Variants in TRIM2 observed in about 807,000 individuals in gnomAD.
The protein encoded by TRIM2 is tripartite motif-containing protein 2.
A neutral mutation model predicts 75.2 loss-of-function variants in TRIM2; 20 were observed. The ratio of observed to expected loss-of-function variants is 0.27; its 90% CI spans 0.19 to 0.39. The LOEUF (loss-of-function observed/expected upper bound fraction) is 0.39. Ranked by LOEUF, TRIM2 falls within the 10% of genes least tolerant of loss-of-function variation. The pLI is 1.00. For missense variants in TRIM2, 660 were observed against 990.8 expected, an observed-to-expected ratio of 0.67 and a Z score of 4.48; for synonymous variants, 373 against 388.3, an observed-to-expected ratio of 0.96 and a Z score of 0.46.
intron 1 of TRIM2, among the ~76,000 whole-genome samples, chr4:153,161,494 C>G (rs892670938): frequency 5.3e-5 from 8 of 152,170 alleles, no homozygotes; most frequent in African/African-American, 1.9e-4. Context: ...AAAGCAGGTG[C>G]AGGAGTTGGA....
intron 10 of TRIM2, among the ~76,000 whole-genome samples, chr4:153,326,689 A>AGAT (rs1561020990): frequency 6.6e-6 from 1 of 152,392 alleles, no homozygotes; most frequent in East Asian, 1.9e-4. Context: ...TGACTCAGAA[A>AGAT]GATAAACAAG....
At chr4:153,290,534 A>G (rs2150124231) in intron 3 of TRIM2, among the ~76,000 whole-genome samples, 1 of 152,324 alleles carries the variant, frequency 6.6e-6, no homozygotes, top group Non-Finnish European at 1.5e-5. Flanking sequence ...ACTTGTACCA[A>G]AATAAGGTGC....
At position 153,335,634 on chromosome 4, in the gene TRIM2, C is replaced by T; in HGVS notation, c.*668C>T. The T allele has an allele frequency of 7.1e-6, 7 of 985,416 alleles. No individual in the cohort carries two copies. The highest frequency in any genetic ancestry group is 8.4e-6 in the Non-Finnish European group (7 of 829,942). The allele number at this position is 985,416 out of a possible 1,614,324, so 61.0% of individuals were successfully genotyped here. On this transcript the variant is annotated 3_prime_UTR_variant, in exon 12 of 12. Transcript: ENST00000338700. ...TGTGTTCTTTTCACCACCCCTTTGGCTCACCTTGTATCAGCAAACAAAGTA... is the reference window on the plus strand; with the variant it reads ...TGTGTTCTTTTCACCACCCCTTTGGTTCACCTTGTATCAGCAAACAAAGTA...
In TRIM2 at chr4:153,335,271, T is replaced by TA. The variant is rs113002194; in HGVS notation, c.*311dup. 407,490 of 1,048,202 alleles carry TA rather than the reference T, an allele frequency of 0.39. 83,026 individuals carry two copies. The highest frequency in any genetic ancestry group is 0.7 in the African/African-American group (41,757 of 59,668). The allele number at this position is 1,048,202 out of a possible 1,614,324, so 64.9% of individuals were successfully genotyped here. A position where few individuals can be genotyped will look rare whatever the true frequency, so the allele number is the denominator to read the frequency against. ...TAATTTTGCAAATCAAACAGACACT[T>TA]AAAAAACTAGCATATGTAAAGGTAT... On this transcript the variant is annotated 3_prime_UTR_variant, in exon 12 of 12. Coordinates refer to ENST00000338700, the MANE Select transcript of TRIM2 (RefSeq NM_015271.5).
At chr4:153,255,691 A>T (rs149908077) in intron 1 of TRIM2, among the ~76,000 whole-genome samples, 2 of 152,366 alleles carry the variant, frequency 1.3e-5, no homozygotes, top group East Asian at 3.9e-4. Context: ...CAAAAAGTGG[A>T]AACAACCCAG....
chr4:153,231,280 A>G (rs1743538153), intron 1 of TRIM2, among the ~76,000 whole-genome samples: 1 of 152,238 alleles, frequency 6.6e-6, no homozygotes, highest in South Asian at 2.1e-4. Context: ...AGTCATGTGA[A>G]CAAGACAATC....
Position 153,338,699 on chromosome 4 carries a change from G to C in TRIM2, c.*3733G>C. 1 of 985,754 alleles carries C rather than the reference G, an allele frequency of 1.0e-6. No individual in the cohort carries two copies. The highest frequency in any genetic ancestry group is 4.7e-5 in the South Asian group (1 of 21,278). The allele number at this position is 985,754 out of a possible 1,614,324, so 61.1% of individuals were successfully genotyped here. A position where few individuals can be genotyped will look rare whatever the true frequency, so the allele number is the denominator to read the frequency against. Reference sequence around the variant, plus strand: ...AAACTTTCTAAAGATGAATTGTGTGGCAGTGATTGGTCTGTTTGTGGAGAA... The same window carrying C: ...AAACTTTCTAAAGATGAATTGTGTGCCAGTGATTGGTCTGTTTGTGGAGAA... On this transcript the variant is annotated 3_prime_UTR_variant, in exon 12 of 12. Coordinates refer to ENST00000338700, the MANE Select transcript of TRIM2 (RefSeq NM_015271.5).
chr4:153,215,151 A>G (rs1284838158), intron 1 of TRIM2, among the ~76,000 whole-genome samples: 1 of 152,204 alleles, frequency 6.6e-6, no homozygotes, highest in Non-Finnish European at 1.5e-5. Context: ...CCTAACTGAC[A>G]TCTTTTTCCT....
intron 1 of TRIM2, among the ~76,000 whole-genome samples, chr4:153,163,549 T>C (rs2149598659): frequency 7.3e-6 from 1 of 137,810 alleles, no homozygotes; most frequent in East Asian, 2.2e-4. Context: ...TCACCTAGGC[T>C]GGAGTGCAAT....
At chr4:153,293,280 T>G in intron 4 of TRIM2, 147 bp downstream of exon 4, 1 of 884,220 alleles carries the variant, frequency 1.1e-6, no homozygotes, top group Non-Finnish European at 1.6e-6. Flanking sequence ...CATGGATTTG[T>G]TGTCATAAAC....
chr4:153,238,601 G>A (rs1187922306), intron 1 of TRIM2, among the ~76,000 whole-genome samples: 1 of 152,142 alleles, frequency 6.6e-6, no homozygotes, highest in Non-Finnish European at 1.5e-5. Context: ...AGAGAGAACT[G>A]GAATAACCCA....
At chr4:153,221,878 A>AAGCAAGGAAGGGAG (rs1740293753) in intron 1 of TRIM2, among the ~76,000 whole-genome samples, 1 of 83,882 alleles carries the variant, frequency 1.2e-5, no homozygotes, top group Admixed American at 1.5e-4. Flanking sequence ...AAGGAAGGGA[A>AAGCAAGGAAGGGAG]GGAGGAAGGA....
At chr4:153,268,397 A>G (rs946191769) in intron 1 of TRIM2, among the ~76,000 whole-genome samples, 38 of 152,232 alleles carry the variant, frequency 2.5e-4, no homozygotes, top group African/African-American at 8.9e-4. Flanking sequence ...TATAAGCTCA[A>G]TTCCTTCCCA....
At chr4:153,210,489 C>T (rs534136229) in intron 1 of TRIM2, among the ~76,000 whole-genome samples, 2 of 152,258 alleles carry the variant, frequency 1.3e-5, no homozygotes, top group Admixed American at 1.3e-4. Context: ...GTTTCACAGG[C>T]AACTGGGCAA....
chr4:153,200,721 A>G (rs1734249879), upstream of TRIM2, among the ~76,000 whole-genome samples: 1 of 122,874 alleles, frequency 8.1e-6, no homozygotes, highest in Admixed American at 7.8e-5. Context: ...AGTAAGAAAA[A>G]AAAATATATA....
In TRIM2 at chr4:153,295,543, C is replaced by G. The variant is rs115515921; in HGVS notation, c.1017C>G (p.Ile339Met). 6.2e-7 allele frequency: 1 copy of G among 1,613,422 alleles called. No homozygotes were observed. The highest frequency in any genetic ancestry group is 8.5e-7 in the Non-Finnish European group (1 of 1,179,566). ...IVETEGLKKSIHNLGTILTTN... is the reference protein window; with the variant it reads ...IVETEGLKKSMHNLGTILTTN... Reference sequence around the variant, plus strand: ...AAACCGAGGGGCTGAAGAAGTCCATCCACAACCTCGGGACGATCTTAACCA... The same window carrying G: ...AAACCGAGGGGCTGAAGAAGTCCATGCACAACCTCGGGACGATCTTAACCA... Residue 339 changes from isoleucine (I) to methionine (M), a missense_variant, in exon 6 of 12, where the codon ATC (isoleucine) becomes ATG (methionine). By Grantham distance (10) the Ile-to-Met change is conservative (BLOSUM62 1). Coordinates refer to ENST00000338700, the MANE Select transcript of TRIM2 (RefSeq NM_015271.5). This position sits in a 1 kb window ranked among gnomAD's most constrained non-coding sequence, Gnocchi z 7.2.
chr4:153,229,031 G>A (rs1742910393), intron 1 of TRIM2, among the ~76,000 whole-genome samples: 1 of 152,070 alleles, frequency 6.6e-6, no homozygotes, highest in Non-Finnish European at 1.5e-5. Context: ...TGGGAGTGAG[G>A]GTACGTGGGG....
chr4:153,239,626 T>C (rs1324798323), intron 1 of TRIM2, among the ~76,000 whole-genome samples: 1 of 152,180 alleles, frequency 6.6e-6, no homozygotes, highest in Non-Finnish European at 1.5e-5. Flanking sequence ...AATGAATACA[T>C]GAATGTTAGA....
chr4:153,251,497 TTA>T (rs1750871615), intron 1 of TRIM2, among the ~76,000 whole-genome samples: 1 of 152,258 alleles, frequency 6.6e-6, no homozygotes, highest in African/African-American at 2.4e-5. Context: ...CATAAAGTTT[TTA>T]TGTTTGTTTT....
Sources: allele counts gnomAD v4.1 joint callset (sites outside exome capture counted in the v4.1 genomes callset), GRCh38; gene constraint gnomAD v4.1.1; non-coding constraint Gnocchi (gnomAD v3.1); transcripts MANE v1.5; gene names NCBI Gene and HGNC (gene_info 2026-07-23, HGNC 2026-07-21).